RBFOX1: variants seen among roughly 807,000 people sequenced by gnomAD.
RBFOX1 encodes RNA binding fox-1 homolog 1, also known as RNA binding protein fox-1 homolog 1.
A neutral mutation model predicts 57.7 loss-of-function variants in RBFOX1; 8 were observed. That is an observed-to-expected ratio of 0.14 (90% CI 0.08 to 0.25). RBFOX1 has a LOEUF of 0.25. Among genes scored for constraint, RBFOX1 ranks in the 10% least tolerant of loss-of-function variants. The pLI is 1.00. For missense variants in RBFOX1, 611 were observed against 548.5 expected, an observed-to-expected ratio of 1.11 and a Z score of -1.14; for synonymous variants, 326 against 222.4, an observed-to-expected ratio of 1.47 and a Z score of -4.15.
chr16:6,674,358 G>C (rs979584084), intron 3 of RBFOX1, among the ~76,000 whole-genome samples: 3 of 151,594 alleles, frequency 2.0e-5, no homozygotes, highest in Admixed American at 1.3e-4. Flanking sequence ...GTCTCACTCT[G>C]TTGCCCAGGC....
chr16:6,011,002 T>A (rs531322313), intron 4 of RBFOX1, among the ~76,000 whole-genome samples: 103 of 152,332 alleles, frequency 6.8e-4, no homozygotes, highest in African/African-American at 2.3e-3. Context: ...CAGTAACCAC[T>A]GCAAATGCAT....
At chr16:7,596,209 ATTC>A (rs1233959141) in intron 8 of RBFOX1, among the ~76,000 whole-genome samples, 1 of 137,854 alleles carries the variant, frequency 7.3e-6, no homozygotes, top group Non-Finnish European at 1.6e-5. Context: ...GAATTTCTGT[ATTC>A]TTTTGATAAC....
At chr16:5,897,555 G>C (rs2058198239) in intron 4 of RBFOX1, among the ~76,000 whole-genome samples, 1 of 152,154 alleles carries the variant, frequency 6.6e-6, no homozygotes. Flanking sequence ...TGACCCCCGG[G>C]GTTTGCTCCA....
intron 4 of RBFOX1, among the ~76,000 whole-genome samples, chr16:7,154,188 G>C (rs1935874983): frequency 6.6e-6 from 1 of 152,174 alleles, no homozygotes. Flanking sequence ...GCCAAGTGTT[G>C]TGAGACTAAG....
At chr16:6,487,185 C>G (rs1022737208) in intron 2 of RBFOX1, among the ~76,000 whole-genome samples, 1 of 126,932 alleles carries the variant, frequency 7.9e-6, no homozygotes, top group Non-Finnish European at 1.6e-5. Context: ...TGTGTGTACC[C>G]AAAAGGCCGA....
intron 4 of RBFOX1, among the ~76,000 whole-genome samples, chr16:7,128,665 C>G (rs1324316602): frequency 6.6e-6 from 1 of 152,106 alleles, no homozygotes; most frequent in Non-Finnish European, 1.5e-5. Context: ...GAATATGTTA[C>G]AAGTCCAGTT....
chr16:7,232,595 G>A lies in RBFOX1; in HGVS notation c.27+180497G>A, dbSNP rs546120530. Among the ~76,000 whole-genome samples, 6 of 152,070 alleles carry A rather than the reference G, an allele frequency of 3.9e-5. No individual in the cohort carries two copies. The South Asian group carries it at 6.2e-4, about 16-fold the overall frequency. ...AGCGGCTCATGCCTGTAATCCCAGC[G>A]CTTTGGGAGGCCGAAGCGGGTGGAT... On this transcript the variant is annotated intron_variant, in intron 4 of 15. Coordinates refer to ENST00000550418, the MANE Select transcript of RBFOX1 (RefSeq NM_018723.4).
At chr16:6,865,588 T>A (rs2059777781) in intron 3 of RBFOX1, among the ~76,000 whole-genome samples, 1 of 152,188 alleles carries the variant, frequency 6.6e-6, no homozygotes, top group South Asian at 2.1e-4. Flanking sequence ...GATAATATTT[T>A]GTGATACATT....
chr16:7,517,160 TGTG>T (rs2076545644), intron 4 of RBFOX1, among the ~76,000 whole-genome samples: 1 of 150,820 alleles, frequency 6.6e-6, no homozygotes, highest in Non-Finnish European at 1.5e-5. Flanking sequence ...TGTGTGTGTG[TGTG>T]TGTGTGTGTG....
chr16:5,811,404 A>G (rs2055426640), intron 3 of RBFOX1, among the ~76,000 whole-genome samples: 1 of 151,796 alleles, frequency 6.6e-6, no homozygotes, highest in Non-Finnish European at 1.5e-5. Context: ...CGGCCTCTCA[A>G]AGTGCTGGGA....
chr16:6,063,150 A>T (rs967906259), intron 1 of RBFOX1, among the ~76,000 whole-genome samples: 4 of 152,156 alleles, frequency 2.6e-5, no homozygotes, highest in African/African-American at 9.7e-5. Flanking sequence ...TAGTTAACAC[A>T]TACGCTGACC....
intron 2 of RBFOX1, among the ~76,000 whole-genome samples, chr16:5,516,738 TC>T (rs1436543051): frequency 6.6e-6 from 1 of 152,080 alleles, no homozygotes; most frequent in East Asian, 1.9e-4. Context: ...TGCATGCTGT[TC>T]TCGAGATAGT....
chr16:6,741,961 G>C (rs915870163), intron 3 of RBFOX1, among the ~76,000 whole-genome samples: 1 of 152,080 alleles, frequency 6.6e-6, no homozygotes, highest in Non-Finnish European at 1.5e-5. Flanking sequence ...TTATATTCTT[G>C]AAAATCATTA....
chr16:7,408,167 T>C (rs1265833715), intron 4 of RBFOX1, among the ~76,000 whole-genome samples: 2 of 152,226 alleles, frequency 1.3e-5, no homozygotes. Flanking sequence ...ACAGTATTTG[T>C]GACAACCTCC....
intron 1 of RBFOX1, among the ~76,000 whole-genome samples, chr16:6,244,095 A>T (rs2097555522): frequency 6.6e-6 from 1 of 152,096 alleles, no homozygotes; most frequent in Non-Finnish European, 1.5e-5. Flanking sequence ...TCTTTACTAA[A>T]TTCCTTGGAG....
At chr16:5,701,215 C>G (rs2051035687) in intron 3 of RBFOX1, among the ~76,000 whole-genome samples, 1 of 152,214 alleles carries the variant, frequency 6.6e-6, no homozygotes. Flanking sequence ...CCCTGCCAGA[C>G]TATGCTGTTT....
In RBFOX1 at chr16:7,452,582, A is replaced by G. The variant is rs141098266; in HGVS notation, c.28-65565A>G. Among the ~76,000 whole-genome samples the G allele has an allele frequency of 4.5e-4, 69 of 152,350 alleles. No homozygotes were observed. In the East Asian group the frequency reaches 0.011, roughly 25 times the overall value. ...TACCTGTGGAAAGGTGTGGATTGAT[A>G]TCTTTATTTATTCATGCATGAAATG... is the stretch of plus-strand genomic sequence containing the variant. On this transcript the variant is annotated intron_variant, in intron 4 of 15. Coordinates refer to ENST00000550418, the MANE Select transcript of RBFOX1 (RefSeq NM_018723.4).
intron 4 of RBFOX1, among the ~76,000 whole-genome samples, chr16:5,978,440 G>T (rs553937026): frequency 3.3e-5 from 5 of 152,112 alleles, no homozygotes; most frequent in Admixed American, 3.3e-4. Flanking sequence ...TGGTTTTCCC[G>T]ACTGATAACG....
chr16:6,840,343 G>A (rs934846608), intron 3 of RBFOX1, among the ~76,000 whole-genome samples: 1 of 152,132 alleles, frequency 6.6e-6, no homozygotes, highest in East Asian at 1.9e-4. Flanking sequence ...ACATTCATTC[G>A]TTCATTCATT....
Sources: allele counts gnomAD v4.1 joint callset (sites outside exome capture counted in the v4.1 genomes callset), GRCh38; gene constraint gnomAD v4.1.1; transcripts MANE v1.5; gene names NCBI Gene and HGNC (gene_info 2026-07-23, HGNC 2026-07-21).